The following MGLL variants were observed in gnomAD, a reference collection of about 807,000 sequenced individuals.
MGLL encodes the protein lysophospholipase homolog.
A neutral mutation model predicts 29.1 loss-of-function variants in MGLL; 7 were observed. The ratio of observed to expected loss-of-function variants is 0.24; its 90% CI spans 0.14 to 0.45. The LOEUF (loss-of-function observed/expected upper bound fraction) is 0.45, where lower values mean the gene tolerates loss of function less well. MGLL is among the 20% of genes least tolerant of loss of function. The probability of loss-of-function intolerance (pLI) is 0.99; values close to 1 mark genes in which losing one functional copy is unlikely to be tolerated. For missense variants in MGLL, 356 were observed against 413.6 expected, an observed-to-expected ratio of 0.86 and a Z score of 1.21; for synonymous variants, 148 against 168.3, an observed-to-expected ratio of 0.88 and a Z score of 0.93.
chr3:127,713,214 A>T (rs2075752598), intron 5 of MGLL: 1 of 152,266 alleles, frequency 6.6e-6, no homozygotes, highest in African/African-American at 2.4e-5. Context: ...AACACCACAA[A>T]CACCTCCTCC....
intron 3 of MGLL, among the ~76,000 whole-genome samples, chr3:127,744,004 G>A (rs1461013677): frequency 6.6e-6 from 1 of 151,992 alleles, no homozygotes; most frequent in Admixed American, 6.6e-5. Flanking sequence ...GCACAAGCTC[G>A]GCTTTACAAG....
chr3:127,741,443 C>G (rs1261679803), intron 3 of MGLL, among the ~76,000 whole-genome samples: 1 of 152,230 alleles, frequency 6.6e-6, no homozygotes. Context: ...CCAGCCAGAC[C>G]CCATCTCCCA....
chr3:127,748,791 C>T (rs748107851), intron 3 of MGLL, among the ~76,000 whole-genome samples: 1 of 152,188 alleles, frequency 6.6e-6, no homozygotes, highest in Non-Finnish European at 1.5e-5. Context: ...CTGGCCCTAG[C>T]GGACTCATAC....
chr3:127,754,483 C>T (rs373350289), intron 3 of MGLL, among the ~76,000 whole-genome samples: 4 of 152,360 alleles, frequency 2.6e-5, no homozygotes, highest in East Asian at 3.9e-4. Context: ...TCACCCCTCA[C>T]CGGCGTTAAC....
chr3:127,807,820 G>A (rs1327458285), intron 2 of MGLL, among the ~76,000 whole-genome samples: 1 of 143,662 alleles, frequency 7.0e-6, no homozygotes, highest in Admixed American at 7.1e-5. Context: ...GGAGTGCAGT[G>A]GCGTAATCTC....
intron 5 of MGLL, 29 bp from the exon 6 acceptor site, chr3:127,710,694 G>C: frequency 6.6e-7 from 1 of 1,523,806 alleles, no homozygotes; most frequent in Non-Finnish European, 8.9e-7. Flanking sequence ...CAAGGGCTGT[G>C]AGCACAAGTG....
intron 4 of MGLL, among the ~76,000 whole-genome samples, 181 bp from the exon 5 acceptor site, chr3:127,721,344 C>T (rs1035992334): frequency 6.6e-6 from 1 of 152,126 alleles, no homozygotes; most frequent in African/African-American, 2.4e-5. Context: ...TTTTATTATA[C>T]ATGTTTTTTT....
In MGLL at chr3:127,791,921, A is replaced by T. The variant is rs144331862; in HGVS notation, c.156-10026T>A. 3.6e-3 allele frequency among the ~76,000 whole-genome samples: 542 copies of T among 152,330 alleles called. 29 individuals carry two copies. In the South Asian group the frequency reaches 0.095, roughly 27 times the overall value. On this transcript the variant is annotated intron_variant, in intron 2 of 7. Coordinates refer to ENST00000265052, the MANE Select transcript of MGLL (RefSeq NM_007283.7). ...CCCCGTCTCTACTAAAATACAAAAC[A>T]GCCGGGCATGGTGATGAGTGCTTGT...
chr3:127,755,278 G>A (rs939605324), intron 3 of MGLL, among the ~76,000 whole-genome samples: 1 of 152,218 alleles, frequency 6.6e-6, no homozygotes, highest in African/African-American at 2.4e-5. Context: ...TAGACTCAAC[G>A]CTCTTGTAAA....
chr3:127,746,351 G>T (rs1413955641), intron 3 of MGLL, among the ~76,000 whole-genome samples: 2 of 152,090 alleles, frequency 1.3e-5, no homozygotes, highest in African/African-American at 4.8e-5. Context: ...CCCCTGCACT[G>T]CTCACAGCAC....
chr3:127,748,423 AG>A (rs1253327469), intron 3 of MGLL, among the ~76,000 whole-genome samples: 1 of 119,636 alleles, frequency 8.4e-6, no homozygotes, highest in Non-Finnish European at 2.0e-5. Context: ...AGAGAGAGAG[AG>A]AGAGGGAGAG....
chr3:127,772,018 G>A (rs563876260), intron 3 of MGLL, among the ~76,000 whole-genome samples: 28 of 152,276 alleles, frequency 1.8e-4, no homozygotes, highest in African/African-American at 5.1e-4. Flanking sequence ...TCTGAGCTTC[G>A]CACTTTCCTA....
At chr3:127,720,887 CA>C (rs2075905548) in intron 5 of MGLL, among the ~76,000 whole-genome samples, 165 bp downstream of exon 5, 1 of 152,200 alleles carries the variant, frequency 6.6e-6, no homozygotes, top group Non-Finnish European at 1.5e-5. Context: ...TTAGAAATTA[CA>C]GAACCCCGGT....
intron 3 of MGLL, among the ~76,000 whole-genome samples, chr3:127,750,959 G>A (rs1415286944): frequency 1.3e-5 from 2 of 152,174 alleles, no homozygotes; most frequent in Non-Finnish European, 2.9e-5. Flanking sequence ...TGGCAGTTGA[G>A]GATGTGAAAA....
intron 2 of MGLL, among the ~76,000 whole-genome samples, chr3:127,820,430 C>T (rs78251114): frequency 0.013 from 2,044 of 152,254 alleles, 45 homozygotes; most frequent in South Asian, 0.1. Context: ...TTGTTGACTT[C>T]GAACTAGGAC....
intron 3 of MGLL, among the ~76,000 whole-genome samples, chr3:127,724,483 T>C (rs531714555): frequency 2.0e-5 from 3 of 152,350 alleles, no homozygotes; most frequent in Admixed American, 6.5e-5. Context: ...TTTGGACGGT[T>C]CCCACCTTTT....
At chr3:127,741,791 T>C (rs988461772) in intron 3 of MGLL, among the ~76,000 whole-genome samples, 4 of 152,266 alleles carry the variant, frequency 2.6e-5, no homozygotes, top group Non-Finnish European at 5.9e-5. Context: ...AAGCATTTCC[T>C]AAATACCTGT....
chr3:127,771,415 C>T (rs1383797306), intron 3 of MGLL, among the ~76,000 whole-genome samples: 2 of 152,184 alleles, frequency 1.3e-5, no homozygotes, highest in Non-Finnish European at 2.9e-5. Context: ...GTGGTGAAAT[C>T]ACAGCTCACT....
chr3:127,723,931 G>T (rs926623019), intron 3 of MGLL, among the ~76,000 whole-genome samples: 2 of 152,130 alleles, frequency 1.3e-5, no homozygotes, highest in African/African-American at 4.8e-5. Flanking sequence ...AGGTCCTTAG[G>T]GTGGGCCCTA....
Sources: gnomAD v4.1 joint callset for allele counts (sites outside exome capture counted in the v4.1 genomes callset) on GRCh38, gnomAD v4.1.1 for gene constraint, MANE v1.5 for transcripts, NCBI Gene and HGNC (gene_info 2026-07-23, HGNC 2026-07-21) for gene names.